ATP2B4: variants seen among roughly 807,000 people sequenced by gnomAD.
The protein encoded by ATP2B4 is plasma membrane calcium-transporting ATPase 4.
Under a neutral mutation model 110.3 loss-of-function variants are expected in ATP2B4, and 39 were observed. The observed-to-expected ratio is 0.35, with a 90% CI of 0.27 to 0.46. The LOEUF (loss-of-function observed/expected upper bound fraction) is 0.46. ATP2B4 is among the 20% of genes least tolerant of loss of function. The pLI is 1.00. For synonymous variants in ATP2B4, 538 were observed against 571.7 expected (o/e 0.94, Z 0.84); for missense variants, 1,135 against 1,530.9 (o/e 0.74, Z 4.32).
At chr1:203,675,811 G>GT (rs1664812188) in intron 1 of ATP2B4, among the ~76,000 whole-genome samples, 1 of 152,184 alleles carries the variant, frequency 6.6e-6, no homozygotes, top group African/African-American at 2.4e-5. Context: ...TCTCAAGTCT[G>GT]TTTTCTCAAA....
chr1:203,708,169 A>G (rs1665905078), intron 10 of ATP2B4, 65 bp downstream of exon 10: 1 of 1,596,966 alleles, frequency 6.3e-7, no homozygotes, highest in African/African-American at 1.3e-5. Context: ...ATTTTCTCTG[A>G]AATGAACCCC....
intron 1 of ATP2B4, among the ~76,000 whole-genome samples, chr1:203,681,454 C>A (rs529442321): frequency 5.9e-5 from 9 of 152,220 alleles, no homozygotes; most frequent in African/African-American, 1.9e-4. Context: ...TCCTTGCCAC[C>A]CCCTGGTAAC....
rs60841821 is a variant in ATP2B4 at position 203,719,225 on chromosome 1, G to GAAAAAAAAAA, written c.2407-1313_2407-1304dup. On this transcript the variant is annotated intron_variant, in intron 15 of 20. Coordinates refer to ENST00000357681, the MANE Select transcript of ATP2B4 (RefSeq NM_001684.5). Reference sequence around the variant, plus strand: ...AGATGACAGAGCAAGACCCTGTCTCGAAAAAAAAAAAAAAAAAAAAGCAAG... The same window carrying GAAAAAAAAAA: ...AGATGACAGAGCAAGACCCTGTCTCGAAAAAAAAAAAAAAAAAAAAAAAAAAAAAAGCAAG... Among the ~76,000 whole-genome samples, 117 of 54,374 alleles carry GAAAAAAAAAA rather than the reference G, an allele frequency of 2.2e-3. 4 individuals are homozygous for GAAAAAAAAAA. Among genetic ancestry groups the GAAAAAAAAAA allele is most frequent in the African/African-American group, 7.2e-3 (96 of 13,282 alleles). The allele number at this position is 54,374 out of a possible 152,430, so 35.7% of individuals were successfully genotyped here.
chr1:203,692,187 TC>T (rs1425158806), intron 2 of ATP2B4, among the ~76,000 whole-genome samples: 1 of 151,886 alleles, frequency 6.6e-6, no homozygotes, highest in African/African-American at 2.4e-5. Flanking sequence ...GCCTTTTTTT[TC>T]TTTTTTTGAG....
intron 1 of ATP2B4, among the ~76,000 whole-genome samples, chr1:203,667,510 T>C (rs928244555): frequency 1.3e-5 from 2 of 152,248 alleles, no homozygotes; most frequent in East Asian, 1.9e-4. Context: ...AGTAGACTAG[T>C]GTTGGAGGTA....
At chr1:203,648,629 G>T (rs1663884999) in intron 1 of ATP2B4, among the ~76,000 whole-genome samples, 1 of 152,194 alleles carries the variant, frequency 6.6e-6, no homozygotes, top group Non-Finnish European at 1.5e-5. Flanking sequence ...AGGATCCAGG[G>T]CCAGGACATG....
chr1:203,703,545 A>G, intron 7 of ATP2B4, 107 bp from the exon 8 acceptor site: 4 of 1,319,590 alleles, frequency 3.0e-6, no homozygotes, highest in South Asian at 1.4e-5. Context: ...TCAGGGTCCA[A>G]GGTATATTCC....
intron 1 of ATP2B4, among the ~76,000 whole-genome samples, chr1:203,663,886 G>T (rs1664424930): frequency 6.6e-6 from 1 of 152,172 alleles, no homozygotes; most frequent in Non-Finnish European, 1.5e-5. Context: ...TTACAGGCAT[G>T]AGCCACTGTG....
intron 18 of ATP2B4, among the ~76,000 whole-genome samples, chr1:203,723,448 CTCTCT>C (rs1666402561): frequency 7.3e-6 from 1 of 137,260 alleles, no homozygotes. Context: ...CTCTCTCTCT[CTCTCT>C]CTCTCTCCCT....
At chr1:203,632,826 T>A (rs1663314046) in intron 1 of ATP2B4, among the ~76,000 whole-genome samples, 1 of 152,118 alleles carries the variant, frequency 6.6e-6, no homozygotes, top group Non-Finnish European at 1.5e-5. Context: ...AATGAGTAAC[T>A]ATGGTGATAT....
intron 19 of ATP2B4, among the ~76,000 whole-genome samples, chr1:203,726,430 T>G (rs1221774897): frequency 6.6e-6 from 1 of 151,932 alleles, no homozygotes; most frequent in Non-Finnish European, 1.5e-5. Context: ...GATTTCTTTT[T>G]TTTTTTTTTT....
chr1:203,650,478 C>T (rs1663948713), intron 1 of ATP2B4, among the ~76,000 whole-genome samples: 1 of 152,186 alleles, frequency 6.6e-6, no homozygotes, highest in Non-Finnish European at 1.5e-5. Context: ...TGGAGTCGGC[C>T]CGCCTTATTT....
chr1:203,739,939 T>C lies in ATP2B4; in HGVS notation c.*85T>C. On this transcript the variant is annotated 3_prime_UTR_variant, in exon 21 of 21. Transcript: ENST00000357681. ...TATGAGGTGATGATGGGACTTTTCA[T>C]TGTCACGTCAGCTGCTGTGTTAACA... 1 of 1,422,386 alleles carries C rather than the reference T, an allele frequency of 7.0e-7. No homozygotes were observed. Among genetic ancestry groups the C allele is most frequent in the South Asian group, 1.4e-5 (1 of 71,930 alleles). 88.1% of individuals were successfully genotyped at this position (1,422,386 alleles called of 1,614,324 possible).
At chr1:203,701,020 A>C (rs1206005596) in intron 6 of ATP2B4, 97 bp downstream of exon 6, 2 of 1,435,706 alleles carry the variant, frequency 1.4e-6, no homozygotes, top group Non-Finnish European at 1.9e-6. Flanking sequence ...TGGTTGGAAG[A>C]ATCTGCTGCC....
At chr1:203,733,279 A>G (rs776162344) in intron 20 of ATP2B4, 2 of 1,614,136 alleles carry the variant, frequency 1.2e-6, no homozygotes, top group Non-Finnish European at 1.7e-6. Flanking sequence ...TCCTAAGGCG[A>G]CAGAACATGG....
intron 19 of ATP2B4, among the ~76,000 whole-genome samples, chr1:203,726,235 G>A (rs764909109): frequency 2.6e-5 from 4 of 151,630 alleles, no homozygotes; most frequent in South Asian, 2.1e-4. Context: ...ACTCTATGTC[G>A]AAAAACAAAA....
At chr1:203,686,106 C>T (rs1033006213) in intron 2 of ATP2B4, among the ~76,000 whole-genome samples, 5 of 152,152 alleles carry the variant, frequency 3.3e-5, no homozygotes, top group African/African-American at 1.2e-4. Flanking sequence ...CCCCTTTGGG[C>T]TCTGTCTACT....
chr1:203,684,343 C>A (rs1470407067), intron 2 of ATP2B4, among the ~76,000 whole-genome samples: 1 of 151,070 alleles, frequency 6.6e-6, no homozygotes, highest in Non-Finnish European at 1.5e-5. Context: ...CATAATAACA[C>A]CCCATCTCTA....
Position 203,711,994 on chromosome 1 carries a change from G to T in ATP2B4, c.2066G>T (p.Gly689Val), listed in dbSNP as rs1053775699. Residue 689 changes from glycine (G) to valine (V), a missense_variant, in exon 13 of 21, where the codon GGC becomes GTC. Physicochemically the swap from Gly to Val is moderately radical, Grantham distance 109 (BLOSUM62 -3). Around this residue, in one of 9 missense-constraint regions of ATP2B4, gnomAD observed 368 missense variants for 455.9 expected, o/e 0.81. Coordinates refer to ENST00000357681, the MANE Select transcript of ATP2B4 (RefSeq NM_001684.5). Reference sequence around the variant, plus strand: ...GCTATTGCCAAATGCAAACAAGCTGGCATTACTGTCAGAATGGTGACAGGT... The same window carrying T: ...GCTATTGCCAAATGCAAACAAGCTGTCATTACTGTCAGAATGGTGACAGGT... ...PDAIAKCKQA[G>V]ITVRMVTGDN... The T allele has an allele frequency of 1.6e-5, 26 of 1,614,008 alleles. No individual in the cohort carries two copies. Among genetic ancestry groups the T allele is most frequent in the Non-Finnish European group, 1.5e-5 (18 of 1,180,008 alleles).
Sources: gnomAD v4.1 joint callset for allele counts (sites outside exome capture counted in the v4.1 genomes callset) on GRCh38, gnomAD v4.1.1 for gene constraint, gnomAD v4.1.1 regional missense constraint, MANE v1.5 for transcripts, NCBI Gene and HGNC (gene_info 2026-07-23, HGNC 2026-07-21) for gene names.